Variants in UCK2 observed in about 807,000 individuals in gnomAD.
The protein encoded by UCK2 is uridine-cytidine kinase 2.
Under a neutral mutation model 30.8 loss-of-function variants are expected in UCK2, and 6 were observed. The observed-to-expected ratio is 0.19, with a 90% confidence interval of 0.11 to 0.38. The LOEUF (loss-of-function observed/expected upper bound fraction) is 0.38, where lower values mean the gene tolerates loss of function less well. Among genes scored for constraint, UCK2 ranks in the 10% least tolerant of loss-of-function variants. UCK2 has a pLI of 1.00. For missense variants in UCK2, 210 were observed against 339.8 expected (o/e 0.62, Z 3.00); for synonymous variants, 125 against 133.6 (o/e 0.94, Z 0.45).
intron 1 of UCK2, among the ~76,000 whole-genome samples, chr1:165,828,557 G>C (rs966542782): frequency 6.6e-6 from 1 of 152,234 alleles, no homozygotes; most frequent in Non-Finnish European, 1.5e-5. Context: ...AACGATAATA[G>C]TAGGGGCTTC....
intron 1 of UCK2, among the ~76,000 whole-genome samples, chr1:165,845,463 CT>C (rs1200966413): frequency 1.3e-5 from 2 of 152,108 alleles, no homozygotes; most frequent in African/African-American, 2.4e-5. Context: ...GGGAAACAGA[CT>C]TTTTTTCTTC....
At chr1:165,869,528 T>TG in intron 1 of UCK2, among the ~76,000 whole-genome samples, 1 of 152,120 alleles carries the variant, frequency 6.6e-6, no homozygotes, top group African/African-American at 2.4e-5. Flanking sequence ...GCTATACAAG[T>TG]TCACATTCCT....
chr1:165,856,897 C>T (rs1020453944), intron 1 of UCK2, among the ~76,000 whole-genome samples: 4 of 124,762 alleles, frequency 3.2e-5, no homozygotes, highest in East Asian at 5.4e-4. Context: ...TAGGCGGCCC[C>T]AGGGTTTTTT....
chr1:165,838,248 C>T (rs1271258866), intron 1 of UCK2, among the ~76,000 whole-genome samples: 1 of 152,212 alleles, frequency 6.6e-6, no homozygotes, highest in Non-Finnish European at 1.5e-5. Flanking sequence ...ATTCTATTCT[C>T]ATAACAGCCA....
intron 1 of UCK2, among the ~76,000 whole-genome samples, chr1:165,837,713 C>T (rs1654230836): frequency 6.6e-6 from 1 of 152,156 alleles, no homozygotes; most frequent in Non-Finnish European, 1.5e-5. Context: ...CTGAAGCTAA[C>T]AAGTGTCCAA....
chr1:165,888,772 C>G (rs991686540), intron 1 of UCK2, among the ~76,000 whole-genome samples: 2 of 151,522 alleles, frequency 1.3e-5, no homozygotes, highest in African/African-American at 2.4e-5. Flanking sequence ...CATGGGCCAC[C>G]GTGCCCGGCA....
intron 1 of UCK2, among the ~76,000 whole-genome samples, chr1:165,829,126 A>C (rs918342374): frequency 2.0e-5 from 3 of 152,190 alleles, no homozygotes; most frequent in African/African-American, 7.2e-5. Flanking sequence ...CAAGGAGCCC[A>C]GCCAGACACG....
At position 165,903,288 on chromosome 1, in the gene UCK2, T is replaced by C. The variant is rs763784092; in HGVS notation, c.597+9T>C. 31 of 1,610,672 alleles carry C rather than the reference T, an allele frequency of 1.9e-5. No individual in the cohort carries two copies. Among genetic ancestry groups the C allele is most frequent in the Admixed American group, 3.4e-5 (2 of 59,306 alleles). ...AGGAATTCTGCTTGCCAGTGAGTTG[T>C]GTTCTTGGTTTGTTTTTGTTGAATG... On this transcript the variant is annotated intron_variant, in intron 5 of 6. Transcript: ENST00000367879.
chr1:165,835,312 A>AAT (rs1007096332), intron 1 of UCK2, among the ~76,000 whole-genome samples: 1 of 151,606 alleles, frequency 6.6e-6, no homozygotes, highest in African/African-American at 2.4e-5. Context: ...TTGCACATAT[A>AAT]ATATATATAT....
rs1314109581 is a variant in UCK2 at position 165,911,116 on chromosome 1, C to G, written c.*3293C>G. The G allele has an allele frequency of 6.6e-6, 1 of 152,246 alleles. No homozygotes were observed. Among genetic ancestry groups the G allele is most frequent in the Non-Finnish European group, 1.5e-5 (1 of 68,110 alleles). The allele number at this position is 152,246 out of a possible 1,614,324, so 9.4% of individuals were successfully genotyped here. ...ATATTTTCCCCTGCCCTGGAATCTC[C>G]TATGTGCCTGTTAAAGATTCCAGGG... is the stretch of plus-strand genomic sequence containing the variant. On this transcript the variant is annotated 3_prime_UTR_variant, in exon 7 of 7. Coordinates refer to ENST00000367879, the MANE Select transcript of UCK2 (RefSeq NM_012474.5).
rs561375601 is a variant in UCK2, at chr1:165,844,690, G to C, written c.99+16758G>C. 1.5e-3 allele frequency among the ~76,000 whole-genome samples: 226 copies of C among 152,156 alleles called. 4 individuals are homozygous for C. Among genetic ancestry groups the C allele is most frequent in the Non-Finnish European group, 6.9e-4 (47 of 68,028 alleles). On this transcript the variant is annotated intron_variant, in intron 1 of 6. Transcript: ENST00000367879. Reference sequence around the variant, plus strand: ...ACCTCTGGGGAGGTGAGAGGGAGAGGGGGGCTGAAGGTCGAGCTGATCACT... The same window carrying C: ...ACCTCTGGGGAGGTGAGAGGGAGAGCGGGGCTGAAGGTCGAGCTGATCACT...
At chr1:165,882,026 C>G (rs542375115) in intron 1 of UCK2, among the ~76,000 whole-genome samples, 2 of 152,312 alleles carry the variant, frequency 1.3e-5, no homozygotes, top group Non-Finnish European at 2.9e-5. Flanking sequence ...TGTGGGGAAT[C>G]TTTCATCTTC....
intron 1 of UCK2, among the ~76,000 whole-genome samples, chr1:165,834,238 T>C (rs1320675380): frequency 1.3e-5 from 2 of 152,190 alleles, no homozygotes; most frequent in Non-Finnish European, 2.9e-5. Context: ...AAGATCCAAG[T>C]AGAGGAAAGT....
At chr1:165,828,777 GT>G (rs1033822348) in intron 1 of UCK2, among the ~76,000 whole-genome samples, 24 of 152,128 alleles carry the variant, frequency 1.6e-4, no homozygotes, top group Non-Finnish European at 2.4e-4. Flanking sequence ...TTTACCCGGG[GT>G]TTTTTCTGCA....
intron 1 of UCK2, among the ~76,000 whole-genome samples, chr1:165,884,829 G>A (rs1655579925): frequency 6.6e-6 from 1 of 152,208 alleles, no homozygotes; most frequent in South Asian, 2.1e-4. Context: ...CCAGCCGAAG[G>A]GGCCTGTTGA....
rs535798419 is a variant in UCK2 at position 165,906,827 on chromosome 1, T to G, written c.647-857T>G. Among the ~76,000 whole-genome samples, 4 of 152,382 alleles carry G rather than the reference T, an allele frequency of 2.6e-5. No homozygotes were observed. The East Asian group carries it at 7.7e-4, about 29-fold the overall frequency. ...CATTTAAAAAGATTATTTCTTGAGCTGTTTGGGAGTAAGTTATAGCAATAA... is the reference window on the plus strand; with the variant it reads ...CATTTAAAAAGATTATTTCTTGAGCGGTTTGGGAGTAAGTTATAGCAATAA... On this transcript the variant is annotated intron_variant, in intron 6 of 6. Coordinates refer to ENST00000367879, the MANE Select transcript of UCK2 (RefSeq NM_012474.5).
chr1:165,893,274 T>C (rs1194944451), intron 3 of UCK2, among the ~76,000 whole-genome samples: 2 of 152,136 alleles, frequency 1.3e-5, no homozygotes, highest in East Asian at 1.9e-4. Flanking sequence ...CAAAAGAAAA[T>C]CCTGGTAGAA....
intron 1 of UCK2, among the ~76,000 whole-genome samples, chr1:165,875,975 A>G (rs1053696265): frequency 6.6e-6 from 1 of 152,204 alleles, no homozygotes; most frequent in Non-Finnish European, 1.5e-5. Context: ...GGGCCAGGTG[A>G]AAGGAAGGCA....
At chr1:165,900,589 CCT>C (rs1647422668) in intron 4 of UCK2, 1 of 152,264 alleles carries the variant, frequency 6.6e-6, no homozygotes, top group Non-Finnish European at 1.5e-5. Context: ...CGACCAGTTT[CCT>C]CTCTCCAGTG....
Sources: allele counts gnomAD v4.1 joint callset (sites outside exome capture counted in the v4.1 genomes callset), GRCh38; gene constraint gnomAD v4.1.1; transcripts MANE v1.5; gene names NCBI Gene and HGNC (gene_info 2026-07-23, HGNC 2026-07-21).